The following ENOX2 variants were observed in gnomAD, a reference collection of about 807,000 sequenced individuals.
ENOX2 encodes APK1 antigen.
Under a neutral mutation model 45.0 loss-of-function variants are expected in ENOX2, and 36 were observed. The ratio of observed to expected loss-of-function variants is 0.80; its 90% confidence interval spans 0.61 to 1.06. The LOEUF is 1.06. ENOX2 is among the 50% of genes least tolerant of loss of function. The pLI is 0.00. For missense variants in ENOX2, 423 were observed against 462.5 expected (o/e 0.91, Z 0.78); for synonymous variants, 174 against 152.3 (o/e 1.14, Z -1.05).
At chrX:130,707,938 T>C (rs1472546930) in intron 3 of ENOX2, among the ~76,000 whole-genome samples, 1 of 111,999 alleles carries the variant, frequency 8.9e-6, no homozygotes, top group African/African-American at 3.2e-5. Flanking sequence ...TCCTTTCATA[T>C]TTACCATACA....
intron 2 of ENOX2, among the ~76,000 whole-genome samples, chrX:130,884,283 G>A (rs2078867473): frequency 1.8e-5 from 2 of 111,737 alleles, no homozygotes; most frequent in African/African-American, 6.5e-5. Flanking sequence ...CTTAGATAAG[G>A]GTAAATTCCA....
At chrX:130,693,086 A>T (rs2037656550) in intron 4 of ENOX2, among the ~76,000 whole-genome samples, 1 of 112,065 alleles carries the variant, frequency 8.9e-6, no homozygotes, top group Non-Finnish European at 1.9e-5. Flanking sequence ...CAGAGTGATT[A>T]TTGTCCATTC....
chrX:130,782,433 T>C (rs1329964948), intron 3 of ENOX2, among the ~76,000 whole-genome samples: 2 of 111,707 alleles, frequency 1.8e-5, no homozygotes, highest in African/African-American at 6.5e-5. Flanking sequence ...GGCCAGTTCC[T>C]TGGCTATACA....
At chrX:130,663,834 C>A (rs1410564161) in intron 9 of ENOX2, among the ~76,000 whole-genome samples, 1 of 111,654 alleles carries the variant, frequency 9.0e-6, no homozygotes, top group Non-Finnish European at 1.9e-5. Context: ...AACTCCCCTC[C>A]TCCTCTTGAT....
intron 2 of ENOX2, among the ~76,000 whole-genome samples, chrX:130,808,744 G>A (rs7890212): frequency 3.6e-5 from 4 of 110,571 alleles, no homozygotes; most frequent in African/African-American, 9.9e-5. Flanking sequence ...CTAAAAAATC[G>A]TTTTGAGAAT....
chrX:130,827,354 C>A (rs1304751411), intron 2 of ENOX2, among the ~76,000 whole-genome samples: 1 of 111,970 alleles, frequency 8.9e-6, no homozygotes, highest in African/African-American at 3.2e-5. Context: ...TTCCCCACTT[C>A]TCTTTGCTAG....
intron 2 of ENOX2, among the ~76,000 whole-genome samples, chrX:130,802,987 C>T (rs2077245069): frequency 8.9e-6 from 1 of 111,771 alleles, no homozygotes; most frequent in Non-Finnish European, 1.9e-5. Context: ...TGCCATGATA[C>T]ATTTTTTATT....
chrX:130,810,774 G>A (rs1008202656), intron 2 of ENOX2, among the ~76,000 whole-genome samples: 1 of 112,073 alleles, frequency 8.9e-6, no homozygotes, highest in Non-Finnish European at 1.9e-5. Flanking sequence ...AACAGACGAA[G>A]GGTCCAGGCC....
intron 3 of ENOX2, among the ~76,000 whole-genome samples, chrX:130,717,067 T>A (rs987238337): frequency 8.0e-5 from 9 of 111,929 alleles, no homozygotes; most frequent in Non-Finnish European, 1.7e-4. Context: ...GATTTGAAAA[T>A]GATTACAAAG....
intron 6 of ENOX2, among the ~76,000 whole-genome samples, chrX:130,674,273 G>A (rs894775607): frequency 9.1e-6 from 1 of 109,365 alleles, no homozygotes; most frequent in African/African-American, 3.3e-5. Context: ...AACTTGCACA[G>A]GTGCCCCCGC....
At chrX:130,898,783 G>T (rs1160986152) in intron 2 of ENOX2, among the ~76,000 whole-genome samples, 7 of 106,407 alleles carry the variant, frequency 6.6e-5, no homozygotes, top group African/African-American at 2.4e-4. Context: ...ACAACTCTGG[G>T]ATAGATGTCC....
In ENOX2 at chrX:130,637,287, T is replaced by A; in HGVS notation, c.1253A>T (p.Asp418Val). The change falls in exon 11 of 15, where the codon GAC becomes GTC. Residue 418 changes from aspartate to valine, a missense_variant. Physicochemically the swap from Asp to Val is radical, Grantham distance 152. Transcript: ENST00000394363. ...TTTCAGCTGCTGTTCTTTGTTAGGG[T>A]CATCTTCTCTGTGGACTTTGCCTTG... is the stretch of plus-strand genomic sequence containing the variant. ...QEQGKVHRED[D>V]PNKEQQLKLL... 1 of 1,211,318 alleles carries A rather than the reference T, an allele frequency of 8.3e-7. No homozygotes were observed. The highest frequency in any genetic ancestry group is 1.1e-6 in the Non-Finnish European group (1 of 895,151).
At chrX:130,883,161 A>G (rs2078848877) in intron 2 of ENOX2, among the ~76,000 whole-genome samples, 1 of 111,287 alleles carries the variant, frequency 9.0e-6, no homozygotes, top group Admixed American at 9.5e-5. Context: ...CCCAGGATGG[A>G]GTGCAATGGC....
intron 10 of ENOX2, among the ~76,000 whole-genome samples, chrX:130,648,953 G>C (rs751014035): frequency 9.9e-6 from 1 of 101,116 alleles, no homozygotes; most frequent in Non-Finnish European, 2.0e-5. Flanking sequence ...GCTGAGGCAG[G>C]AGAATCACTT....
chrX:130,829,019 CAT>C (rs1294152267), intron 2 of ENOX2, among the ~76,000 whole-genome samples: 2 of 111,772 alleles, frequency 1.8e-5, no homozygotes, highest in African/African-American at 6.5e-5. Context: ...TTTATTGTAA[CAT>C]ATAACAAATG....
intron 2 of ENOX2, among the ~76,000 whole-genome samples, chrX:130,822,675 C>T (rs960265619): frequency 5.5e-5 from 6 of 109,967 alleles, no homozygotes; most frequent in Non-Finnish European, 1.1e-4. Context: ...ATACCTAATG[C>T]TAAATGATGA....
chrX:130,898,900 T>C (rs2079102519), intron 2 of ENOX2, among the ~76,000 whole-genome samples: 1 of 110,931 alleles, frequency 9.0e-6, no homozygotes, highest in Non-Finnish European at 1.9e-5. Flanking sequence ...CTGATACATA[T>C]TGACGAATTG....
chrX:130,853,745 G>A (rs1046323778), intron 2 of ENOX2, among the ~76,000 whole-genome samples: 4 of 110,407 alleles, frequency 3.6e-5, no homozygotes, highest in Admixed American at 1.9e-4. Flanking sequence ...AATGTCATAG[G>A]AATCAAGTGC....
rs2076926524 is a variant in ENOX2, at chrX:130,783,688, A to G, written c.-180T>C. On this transcript the variant is annotated splice_region_variant and 5_prime_UTR_variant, in exon 3 of 15. Transcript: ENST00000394363. Reference sequence around the variant, plus strand: ...GCAGGGTCAAAGGGCAGCTGGTTCAATCCTAAAGAAGAAAAAGAAAGCCAA... The same window carrying G: ...GCAGGGTCAAAGGGCAGCTGGTTCAGTCCTAAAGAAGAAAAAGAAAGCCAA... 3.3e-6 allele frequency: 1 copy of G among 298,749 alleles called. No individual in the cohort carries two copies. Among genetic ancestry groups the G allele is most frequent in the Admixed American group, 4.1e-5 (1 of 24,145 alleles). The allele number at this position is 298,749 out of a possible 1,213,427, so 24.6% of individuals were successfully genotyped here.
Sources: allele counts gnomAD v4.1 joint callset (sites outside exome capture counted in the v4.1 genomes callset), GRCh38; gene constraint gnomAD v4.1.1; transcripts MANE v1.5; gene names NCBI Gene and HGNC (gene_info 2026-07-23, HGNC 2026-07-21).